Variants in SLC16A12 observed in about 807,000 individuals in gnomAD.
SLC16A12 encodes monocarboxylate transporter 12.
A neutral mutation model predicts 42.4 loss-of-function variants in SLC16A12; 17 were observed. The observed-to-expected ratio is 0.40, with a 90% CI of 0.27 to 0.60. The LOEUF (loss-of-function observed/expected upper bound fraction) is 0.60, where lower values mean the gene tolerates loss of function less well. Ranked by LOEUF, SLC16A12 falls within the 20% of genes least tolerant of loss-of-function variation. The pLI is 0.42. For synonymous variants in SLC16A12, 224 were observed against 229.4 expected (o/e 0.98, Z 0.21); for missense variants, 544 against 623.0 (o/e 0.87, Z 1.35).
intron 2 of SLC16A12, among the ~76,000 whole-genome samples, chr10:89,499,866 C>T (rs1440458531): frequency 6.6e-6 from 1 of 152,022 alleles, no homozygotes; most frequent in Non-Finnish European, 1.5e-5. Context: ...AAGGATGGTT[C>T]TCTGAAAAGA....
chr10:89,443,981 A>C (rs1211295386), intron 3 of SLC16A12, 122 bp from the exon 4 acceptor site: 1 of 707,142 alleles, frequency 1.4e-6, no homozygotes, highest in Non-Finnish European at 2.5e-6. Flanking sequence ...GCTAGACCAT[A>C]ATAAGTGGGA....
At chr10:89,542,483 C>T (rs1286668820) in intron 2 of SLC16A12, among the ~76,000 whole-genome samples, 23 of 151,758 alleles carry the variant, frequency 1.5e-4, no homozygotes, top group Non-Finnish European at 2.9e-5. Context: ...TTGTATTTTT[C>T]AGTAGAGATA....
chr10:89,542,925 C>T (rs1160409808), intron 2 of SLC16A12, among the ~76,000 whole-genome samples: 1 of 152,202 alleles, frequency 6.6e-6, no homozygotes, highest in Non-Finnish European at 1.5e-5. Context: ...GTTACATCCT[C>T]ATTCTTGTTC....
At chr10:89,449,729 A>C (rs1478674390) in intron 3 of SLC16A12, among the ~76,000 whole-genome samples, 2 of 152,226 alleles carry the variant, frequency 1.3e-5, no homozygotes, top group Non-Finnish European at 2.9e-5. Flanking sequence ...CACCAAAAGC[A>C]ATGGCAACAA....
At chr10:89,456,159 A>T (rs1474808946) in intron 3 of SLC16A12, 1 of 152,176 alleles carries the variant, frequency 6.6e-6, no homozygotes. Context: ...TAACCATGGG[A>T]CCTTGGACAT....
At chr10:89,461,812 A>G (rs1369620893) in intron 3 of SLC16A12, among the ~76,000 whole-genome samples, 2 of 152,264 alleles carry the variant, frequency 1.3e-5, no homozygotes, top group Non-Finnish European at 2.9e-5. Flanking sequence ...CTTCTCAGGT[A>G]TGCATTTACC....
chr10:89,486,115 T>C (rs1489812560), intron 2 of SLC16A12, among the ~76,000 whole-genome samples: 3 of 151,978 alleles, frequency 2.0e-5, no homozygotes, highest in Non-Finnish European at 2.9e-5. Flanking sequence ...GTCAAAATAG[T>C]TTTTCATCAA....
intron 2 of SLC16A12, among the ~76,000 whole-genome samples, chr10:89,470,162 G>A (rs1172918573): frequency 1.3e-5 from 2 of 152,164 alleles, no homozygotes; most frequent in Non-Finnish European, 2.9e-5. Flanking sequence ...GCATCCCCAG[G>A]CAAGGAATCA....
In SLC16A12 at chr10:89,438,730, AAG is replaced by A. The variant is rs1564568302; in HGVS notation, c.900_901del (p.Phe301CysfsTer28). ...CAAAGCATAAGGCACCAAGTACACA[AAG>A]AGAGGGCTGCAGCCATAAGCCATAA... On this transcript the variant is annotated frameshift_variant, in exon 6 of 8. Transcript: ENST00000371790. LOFTEE classifies it high-confidence loss of function. 5 of 1,614,064 alleles carry A rather than the reference AAG, an allele frequency of 3.1e-6. No homozygotes were observed. The highest frequency in any genetic ancestry group is 4.2e-6 in the Non-Finnish European group (5 of 1,180,032).
At chr10:89,486,603 A>AGAGAAAG in intron 2 of SLC16A12, among the ~76,000 whole-genome samples, 1 of 70,410 alleles carries the variant, frequency 1.4e-5, no homozygotes, top group Admixed American at 1.7e-4. Flanking sequence ...AAAAAAAAAA[A>AGAGAAAG]AAAGAAAGAA....
At chr10:89,491,296 C>T (rs1227463582) in intron 2 of SLC16A12, among the ~76,000 whole-genome samples, 1 of 152,076 alleles carries the variant, frequency 6.6e-6, no homozygotes, top group African/African-American at 2.4e-5. Context: ...GAGTTGCAAC[C>T]AGGCAAAAGA....
intron 3 of SLC16A12, among the ~76,000 whole-genome samples, chr10:89,450,499 T>C (rs1372195381): frequency 6.6e-6 from 1 of 152,100 alleles, no homozygotes; most frequent in Non-Finnish European, 1.5e-5. Flanking sequence ...GAGCAAACTA[T>C]CGCAAGGACA....
intron 2 of SLC16A12, among the ~76,000 whole-genome samples, chr10:89,519,333 G>C (rs976596196): frequency 4.0e-5 from 6 of 151,768 alleles, no homozygotes; most frequent in Admixed American, 3.9e-4. Context: ...TTTACCCACG[G>C]AACAAACCTG....
At chr10:89,456,349 G>A (rs1049640258) in intron 3 of SLC16A12, 1 of 152,096 alleles carries the variant, frequency 6.6e-6, no homozygotes, top group African/African-American at 2.4e-5. Context: ...GACATATATT[G>A]CACCTAAGTT....
intron 7 of SLC16A12, among the ~76,000 whole-genome samples, chr10:89,434,636 A>G (rs1344654260): frequency 6.6e-6 from 1 of 152,220 alleles, no homozygotes; most frequent in Non-Finnish European, 1.5e-5. Context: ...TCTATTCACA[A>G]TAATAGCTAA....
intron 3 of SLC16A12, among the ~76,000 whole-genome samples, chr10:89,450,140 G>A (rs1842070595): frequency 6.6e-6 from 1 of 152,176 alleles, no homozygotes; most frequent in Non-Finnish European, 1.5e-5. Context: ...GGAGAAATAG[G>A]AACTCTTTTA....
chr10:89,447,837 A>T (rs200822507), intron 3 of SLC16A12, among the ~76,000 whole-genome samples: 2 of 152,306 alleles, frequency 1.3e-5, no homozygotes, highest in East Asian at 3.9e-4. Context: ...TTTTGAAAAG[A>T]TCAACAAATA....
intron 2 of SLC16A12, among the ~76,000 whole-genome samples, chr10:89,530,632 G>C (rs1843534816): frequency 6.6e-6 from 1 of 151,992 alleles, no homozygotes. Context: ...TGTTAGCCAG[G>C]ATGCTCTCGA....
chr10:89,488,537 T>C (rs1298559771), intron 2 of SLC16A12, among the ~76,000 whole-genome samples: 5 of 152,206 alleles, frequency 3.3e-5, no homozygotes, highest in African/African-American at 4.8e-5. Flanking sequence ...CTCTAATTGA[T>C]AGGCTATGGG....
Sources: allele counts gnomAD v4.1 joint callset (sites outside exome capture counted in the v4.1 genomes callset), GRCh38; gene constraint gnomAD v4.1.1; transcripts MANE v1.5; gene names NCBI Gene and HGNC (gene_info 2026-07-23, HGNC 2026-07-21).